Variants in CYP4Z1 observed in about 807,000 individuals in gnomAD.
CYP4Z1 encodes cytochrome P450 4Z1.
Under a neutral mutation model 54.2 loss-of-function variants are expected in CYP4Z1, and 41 were observed. The ratio of observed to expected loss-of-function variants is 0.76; its 90% CI spans 0.59 to 0.98. The LOEUF (loss-of-function observed/expected upper bound fraction) is 0.98. Ranked by LOEUF, CYP4Z1 falls within the 50% of genes least tolerant of loss-of-function variation. CYP4Z1 has a pLI of 0.00. For missense variants in CYP4Z1, 513 were observed against 599.0 expected (o/e 0.86, Z 1.50); for synonymous variants, 163 against 206.2 (o/e 0.79, Z 1.79).
intron 4 of CYP4Z1, among the ~76,000 whole-genome samples, chr1:47,084,207 GA>G (rs1192420178): frequency 6.6e-6 from 1 of 151,990 alleles, no homozygotes; most frequent in African/African-American, 2.4e-5. Flanking sequence ...ATGGATCTGG[GA>G]AAAAACTTGT....
At chr1:47,106,028 A>G (rs765021974) in intron 8 of CYP4Z1, 100 bp from the exon 9 acceptor site, 4 of 1,437,786 alleles carry the variant, frequency 2.8e-6, no homozygotes, top group Non-Finnish European at 2.8e-6. Flanking sequence ...GGTAAAGAAC[A>G]AAATCATTCT....
intron 10 of CYP4Z1, among the ~76,000 whole-genome samples, chr1:47,116,413 G>A (rs1162125407): frequency 4.6e-5 from 7 of 152,022 alleles, no homozygotes; most frequent in Admixed American, 2.0e-4. Flanking sequence ...TCTTACTATC[G>A]GGGCCTGTTT....
intron 2 of CYP4Z1, among the ~76,000 whole-genome samples, chr1:47,074,486 A>G (rs1398497110): frequency 6.6e-6 from 1 of 152,078 alleles, no homozygotes; most frequent in African/African-American, 2.4e-5. Flanking sequence ...ATGTGATTTC[A>G]TTGTTTTTTT....
intron 8 of CYP4Z1, among the ~76,000 whole-genome samples, chr1:47,103,289 C>T (rs1260391483): frequency 3.3e-5 from 5 of 151,846 alleles, no homozygotes; most frequent in Admixed American, 1.3e-4. Flanking sequence ...AAGCAGTCTT[C>T]CTGTTTCAGC....
chr1:47,117,965 G>C lies in CYP4Z1; in HGVS notation c.*31G>C, dbSNP rs377651702. 137 of 1,598,444 alleles carry C rather than the reference G, an allele frequency of 8.6e-5. No homozygotes were observed. In the Middle Eastern group the frequency reaches 1.0e-3, roughly 12 times the overall value. On this transcript the variant is annotated 3_prime_UTR_variant, in exon 12 of 12. Coordinates refer to ENST00000334194, the MANE Select transcript of CYP4Z1 (RefSeq NM_178134.3). ...AGTCCTTTCGTATAAGAATTAATGA[G>C]ACAATTTTCCTACCAAAGGAAGAAC...
intron 9 of CYP4Z1, among the ~76,000 whole-genome samples, chr1:47,112,923 G>T (rs951574025): frequency 1.1e-4 from 16 of 151,536 alleles, no homozygotes; most frequent in African/African-American, 3.9e-4. Context: ...TATTACTTCA[G>T]TGCCATATTG....
At chr1:47,101,787 C>A (rs1325036120) in intron 8 of CYP4Z1, among the ~76,000 whole-genome samples, 1 of 151,958 alleles carries the variant, frequency 6.6e-6, no homozygotes, top group East Asian at 1.9e-4. Context: ...CAATTTAAAT[C>A]CAATGTTTCT....
intron 8 of CYP4Z1, among the ~76,000 whole-genome samples, chr1:47,104,544 G>A (rs527559208): frequency 1.3e-5 from 2 of 152,318 alleles, no homozygotes; most frequent in Non-Finnish European, 2.9e-5. Flanking sequence ...AGCAGTCCAC[G>A]CTGGTATTGG....
At chr1:47,067,779 A>G (rs114651684) in intron 1 of CYP4Z1, 112 bp downstream of exon 1, 94 of 976,508 alleles carry the variant, frequency 9.6e-5, no homozygotes, top group Non-Finnish European at 1.3e-4. Flanking sequence ...TTTCACACCA[A>G]TCTCATTGTG....
Position 47,067,478 on chromosome 1 carries a change from A to T in CYP4Z1, c.-13A>T, listed in dbSNP as rs918260183. ...TCTCTCAGGCTCTCCAGAGCTCAGG[A>T]CCTCTGAGAAGAATGGAGCCCTCCT... On this transcript the variant is annotated 5_prime_UTR_variant, in exon 1 of 12. Coordinates refer to ENST00000334194, the MANE Select transcript of CYP4Z1 (RefSeq NM_178134.3). 1.6e-4 allele frequency: 249 copies of T among 1,593,808 alleles called. No homozygotes were observed. The highest frequency in any genetic ancestry group is 2.1e-4 in the Non-Finnish European group (243 of 1,168,548).
At chr1:47,064,651 T>C (rs1557618277), upstream of CYP4Z1, among the ~76,000 whole-genome samples, 1 of 150,262 alleles carries the variant, frequency 6.7e-6, no homozygotes, top group East Asian at 2.0e-4. Flanking sequence ...AAAAACAAGG[T>C]TATTCAGGCA....
At position 47,082,718 on chromosome 1, in the gene CYP4Z1, A is replaced by C. The variant is rs78692985; in HGVS notation, c.492+257A>C. ...ATGAGTGAGTGAGTCCAGTAGACTC[A>C]CTACATTTGGAGAACACAAGGCAGA... On this transcript the variant is annotated intron_variant, in intron 4 of 11. Transcript: ENST00000334194. Among the ~76,000 whole-genome samples, 713 of 151,770 alleles carry C rather than the reference A, an allele frequency of 4.7e-3. 8 individuals carry two copies. The highest frequency in any genetic ancestry group is 0.046 in the East Asian group (235 of 5,144).
chr1:47,117,732 T>C (rs1385761695), intron 11 of CYP4Z1, 34 bp from the exon 12 acceptor site: 1 of 1,585,364 alleles, frequency 6.3e-7, no homozygotes, highest in African/African-American at 1.4e-5. Flanking sequence ...TATAAATTCA[T>C]TAGATGCCAT....
intron 2 of CYP4Z1, among the ~76,000 whole-genome samples, chr1:47,077,541 A>G (rs1569707580): frequency 1.3e-5 from 2 of 152,080 alleles, no homozygotes; most frequent in Admixed American, 1.3e-4. Flanking sequence ...TTTTAATTGA[A>G]GTTTAATCCA....
At chr1:47,059,533 A>G in the CYP4Z1 span, among the ~76,000 whole-genome samples, 1 of 152,160 alleles carries the variant, frequency 6.6e-6, no homozygotes, top group African/African-American at 2.4e-5. Context: ...ATAATTTGCA[A>G]CAGGCTGGCC....
At chr1:47,098,922 G>A (rs1398047572) in intron 7 of CYP4Z1, among the ~76,000 whole-genome samples, 172 bp from the exon 8 acceptor site, 1 of 151,996 alleles carries the variant, frequency 6.6e-6, no homozygotes, top group African/African-American at 2.4e-5. Context: ...TTTCTACATT[G>A]CCTGGTGTTC....
chr1:47,115,617 A>C, intron 10 of CYP4Z1, 24 bp downstream of exon 10: 2 of 1,606,848 alleles, frequency 1.2e-6, no homozygotes, highest in Non-Finnish European at 1.7e-6. Context: ...AACTGCACCC[A>C]GTGGCATCTA....
At chr1:47,087,657 T>A (rs1416667307) in intron 6 of CYP4Z1, among the ~76,000 whole-genome samples, 1 of 152,186 alleles carries the variant, frequency 6.6e-6, no homozygotes, top group East Asian at 1.9e-4. Flanking sequence ...CAATGTGACA[T>A]CCTCTTTCCC....
At chr1:47,117,718 A>G in intron 11 of CYP4Z1, 48 bp from the exon 12 acceptor site, 1 of 1,557,926 alleles carries the variant, frequency 6.4e-7, no homozygotes, top group Non-Finnish European at 8.7e-7. Flanking sequence ...TGTTGTTAAT[A>G]ATATATAAAT....
Sources: allele counts gnomAD v4.1 joint callset (sites outside exome capture counted in the v4.1 genomes callset), GRCh38; gene constraint gnomAD v4.1.1; transcripts MANE v1.5; gene names NCBI Gene and HGNC (gene_info 2026-07-23, HGNC 2026-07-21).